Variants in PRR16 observed in about 807,000 individuals in gnomAD.
PRR16 encodes proline rich 16.
PRR16 carries 6 observed loss-of-function variants against 18.2 expected under a neutral mutation model. That is an observed-to-expected ratio of 0.33 (90% CI 0.18 to 0.65). The LOEUF is 0.65. PRR16 is among the 30% of genes least tolerant of loss of function. The probability of loss-of-function intolerance (pLI) is 0.74; values close to 1 mark genes in which losing one functional copy is unlikely to be tolerated. For missense variants in PRR16, 412 were observed against 376.6 expected (o/e 1.09, Z -0.78); for synonymous variants, 151 against 147.8 (o/e 1.02, Z -0.16).
intron 1 of PRR16, among the ~76,000 whole-genome samples, chr5:120,588,927 T>A (rs941444165): frequency 2.0e-5 from 3 of 151,734 alleles, no homozygotes; most frequent in East Asian, 3.9e-4. Flanking sequence ...ACCAATAGAT[T>A]TTTTTTTATA....
intron 1 of PRR16, among the ~76,000 whole-genome samples, chr5:120,497,039 A>G (rs1278315688): frequency 6.6e-6 from 1 of 152,084 alleles, no homozygotes; most frequent in Non-Finnish European, 1.5e-5. Context: ...TTAATTTCTA[A>G]TTTGATTCTA....
chr5:120,663,015 C>T (rs1268332993), intron 1 of PRR16, among the ~76,000 whole-genome samples: 1 of 152,162 alleles, frequency 6.6e-6, no homozygotes, highest in Non-Finnish European at 1.5e-5. Flanking sequence ...TGTGACCCCA[C>T]ACTTCTGCCT....
chr5:120,722,025 C>A, the PRR16 span, among the ~76,000 whole-genome samples: 2 of 151,980 alleles, frequency 1.3e-5, no homozygotes, highest in Non-Finnish European at 2.9e-5. Flanking sequence ...CTTCCCCTAG[C>A]CCCCTACCTG....
intron 1 of PRR16, among the ~76,000 whole-genome samples, chr5:120,537,616 C>A (rs955158615): frequency 6.9e-6 from 1 of 144,976 alleles, no homozygotes; most frequent in Admixed American, 7.2e-5. Flanking sequence ...TTTGGCCAAG[C>A]AAGATTACAG....
At chr5:120,722,343 T>A in the PRR16 span, among the ~76,000 whole-genome samples, 8 of 152,018 alleles carry the variant, frequency 5.3e-5, no homozygotes, top group African/African-American at 1.9e-4. Flanking sequence ...TTAAGAACAA[T>A]ACAGGAATCT....
At chr5:120,509,977 T>C (rs1750778693) in intron 1 of PRR16, among the ~76,000 whole-genome samples, 1 of 152,166 alleles carries the variant, frequency 6.6e-6, no homozygotes, top group African/African-American at 2.4e-5. Context: ...AGTATACTGT[T>C]CTTTACACAT....
chr5:120,637,625 A>C (rs1755281580), intron 1 of PRR16, among the ~76,000 whole-genome samples: 1 of 109,150 alleles, frequency 9.2e-6, no homozygotes, highest in Non-Finnish European at 2.1e-5. Flanking sequence ...AGAATGATAC[A>C]TTGGACTTTG....
intron 1 of PRR16, among the ~76,000 whole-genome samples, chr5:120,652,385 A>G (rs550071243): frequency 6.6e-6 from 1 of 152,228 alleles, no homozygotes. Context: ...ACTTTCTTCC[A>G]AAAAGTACAG....
chr5:120,668,018 T>C (rs1228585708), intron 1 of PRR16, among the ~76,000 whole-genome samples: 1 of 152,184 alleles, frequency 6.6e-6, no homozygotes, highest in Non-Finnish European at 1.5e-5. Flanking sequence ...TTGTTAACTT[T>C]CTGTCTCGTG....
At chr5:120,546,097 A>G (rs553679271) in intron 1 of PRR16, among the ~76,000 whole-genome samples, 15 of 152,062 alleles carry the variant, frequency 9.9e-5, no homozygotes, top group Non-Finnish European at 1.8e-4. Context: ...TTTTACTAGT[A>G]AGGAAGCTGG....
chr5:120,605,404 A>G (rs1387404882), intron 1 of PRR16, among the ~76,000 whole-genome samples: 1 of 152,118 alleles, frequency 6.6e-6, no homozygotes, highest in Non-Finnish European at 1.5e-5. Flanking sequence ...TAAAATGTCT[A>G]TGTTGTCTTT....
chr5:120,499,350 T>G (rs1750370999), intron 1 of PRR16, among the ~76,000 whole-genome samples: 1 of 151,968 alleles, frequency 6.6e-6, no homozygotes, highest in Non-Finnish European at 1.5e-5. Flanking sequence ...AGCCCTACCC[T>G]CTTTCTCAAC....
intron 1 of PRR16, among the ~76,000 whole-genome samples, chr5:120,537,314 T>C (rs1370038343): frequency 4.6e-5 from 7 of 152,200 alleles, no homozygotes; most frequent in Admixed American, 4.6e-4. Flanking sequence ...AAATAAAACT[T>C]TCCCTAATAT....
chr5:120,718,272 T>C, the PRR16 span, among the ~76,000 whole-genome samples: 1 of 152,132 alleles, frequency 6.6e-6, no homozygotes, highest in Non-Finnish European at 1.5e-5. Flanking sequence ...AGGACACCTC[T>C]GACTTCACGT....
At chr5:120,665,859 A>G (rs1449205352) in intron 1 of PRR16, among the ~76,000 whole-genome samples, 1 of 152,126 alleles carries the variant, frequency 6.6e-6, no homozygotes, top group Admixed American at 6.5e-5. Flanking sequence ...TGGTTACTGT[A>G]GCCTTGTAGT....
chr5:120,761,452 C>T, the PRR16 span, among the ~76,000 whole-genome samples: 1,264 of 152,142 alleles, frequency 8.3e-3, 7 homozygotes, highest in Middle Eastern at 0.027. Flanking sequence ...AGGAACATAA[C>T]GGAAATGCCC....
intron 1 of PRR16, among the ~76,000 whole-genome samples, chr5:120,561,325 T>C (rs1561546579): frequency 6.6e-6 from 1 of 152,082 alleles, no homozygotes. Flanking sequence ...TCCATTATCA[T>C]TTGTTTCAAT....
At chr5:120,522,301 G>A (rs1751209183) in intron 1 of PRR16, among the ~76,000 whole-genome samples, 2 of 152,258 alleles carry the variant, frequency 1.3e-5, no homozygotes, top group African/African-American at 4.8e-5. Flanking sequence ...GTGTAAAAGT[G>A]TTCCTATTTC....
chr5:120,466,698 TA>T (rs970811407), intron 1 of PRR16, among the ~76,000 whole-genome samples: 4 of 151,800 alleles, frequency 2.6e-5, no homozygotes, highest in Non-Finnish European at 2.9e-5. Context: ...TTTTTAAGGT[TA>T]AAAAAAAGGT....
Sources: gnomAD v4.1 joint callset for allele counts (sites outside exome capture counted in the v4.1 genomes callset) on GRCh38, gnomAD v4.1.1 for gene constraint, MANE v1.5 for transcripts, NCBI Gene and HGNC (gene_info 2026-07-23, HGNC 2026-07-21) for gene names.